CERCAM: variants seen among roughly 807,000 people sequenced by gnomAD.
CERCAM encodes the protein inactive glycosyltransferase 25 family member 3.
CERCAM carries 59 observed loss-of-function variants against 66.0 expected under a neutral mutation model. That is an observed-to-expected ratio of 0.89 (90% CI 0.73 to 1.11). CERCAM has a LOEUF of 1.11. CERCAM is among the 50% of genes most tolerant of loss of function. The pLI, the probability that CERCAM is intolerant of heterozygous loss-of-function variation, is 0.00. For missense variants in CERCAM, 840 were observed against 828.3 expected, an observed-to-expected ratio of 1.01 and a Z score of -0.17; for synonymous variants, 318 against 343.6, an observed-to-expected ratio of 0.93 and a Z score of 0.83.
At chr9:128,433,117 A>G (rs762098478) in intron 9 of CERCAM, among the ~76,000 whole-genome samples, 16 of 151,972 alleles carry the variant, frequency 1.1e-4, no homozygotes, top group Non-Finnish European at 2.4e-4. Context: ...GTCTCTACTA[A>G]AAATACAAAA....
intron 1 of CERCAM, chr9:128,422,452 C>T (rs1833731851): frequency 1.2e-5 from 2 of 170,816 alleles, no homozygotes; most frequent in Admixed American, 1.1e-4. Flanking sequence ...CCTGTAATCC[C>T]AGGTACTCAG....
chr9:128,435,056 C>T (rs1310800957), intron 11 of CERCAM, among the ~76,000 whole-genome samples: 1 of 149,924 alleles, frequency 6.7e-6, no homozygotes, highest in Non-Finnish European at 1.5e-5. Flanking sequence ...TGCAGTGGCG[C>T]AATCTTGGCT....
intron 8 of CERCAM, among the ~76,000 whole-genome samples, chr9:128,430,579 C>T (rs1833952128): frequency 6.6e-6 from 1 of 152,128 alleles, no homozygotes; most frequent in Non-Finnish European, 1.5e-5. Context: ...TTGCTTGGGC[C>T]TCTGCCCAAG....
chr9:128,428,479 G>C, intron 6 of CERCAM, 58 bp downstream of exon 6: 1 of 1,600,158 alleles, frequency 6.2e-7, no homozygotes, highest in Non-Finnish European at 8.5e-7. Flanking sequence ...CCTCCCCACG[G>C]TGCCCCTTTC....
chr9:128,435,244 G>A (rs942815681), intron 11 of CERCAM, among the ~76,000 whole-genome samples: 2 of 152,062 alleles, frequency 1.3e-5, no homozygotes, highest in Non-Finnish European at 2.9e-5. Context: ...TGATCTGCCT[G>A]CCTGGGCCTC....
chr9:128,435,970 A>T, intron 12 of CERCAM, 65 bp downstream of exon 12: 5 of 1,485,946 alleles, frequency 3.4e-6, no homozygotes, highest in Non-Finnish European at 4.5e-6. Context: ...CTTTGATGGC[A>T]TAACTGTGTC....
chr9:128,435,527 G>A (rs999866574), intron 11 of CERCAM, 126 bp from the exon 12 acceptor site: 14 of 1,000,108 alleles, frequency 1.4e-5, no homozygotes, highest in South Asian at 3.3e-5. Context: ...GCTCAGGGCC[G>A]CTGTGAGGAC....
At chr9:128,429,902 C>T (rs1009076658) in intron 8 of CERCAM, among the ~76,000 whole-genome samples, 4 of 151,950 alleles carry the variant, frequency 2.6e-5, no homozygotes, top group Admixed American at 1.3e-4. Flanking sequence ...TGATTCTCCT[C>T]CCTCACCTCC....
rs372468888 is a variant in CERCAM at position 128,425,045 on chromosome 9, G to GT, written c.766+437dup. The stretch of plus-strand genomic sequence containing the variant: ...CCAGTGGTTACTTTTAAGATGAAAG[G>GT]TTTTTTGTTGTTGTTGTTGTTGTTG... On this transcript the variant is annotated intron_variant, in intron 5 of 12. Coordinates refer to ENST00000372838, the MANE Select transcript of CERCAM (RefSeq NM_016174.5). Among the ~76,000 whole-genome samples, 1,092 of 148,176 alleles carry GT rather than the reference G, an allele frequency of 7.4e-3. 11 individuals carry two copies. Among genetic ancestry groups the GT allele is most frequent in the African/African-American group, 0.025 (995 of 39,866 alleles).
chr9:128,434,434 C>G lies in CERCAM; in HGVS notation c.1356C>G (p.Asn452Lys), dbSNP rs1402052665. Residue 452 changes from asparagine to lysine, a missense_variant, in exon 11 of 13, where the codon AAC becomes AAG. Transcript: ENST00000372838. The surrounding 1 kb of genome is among the most constrained non-coding windows in gnomAD (Gnocchi z 4.5). ...DLIYLGRKQV[N>K]PEKETAVEGL... ...GCTACCTCGGACGGAAGCAGGTGAA[C>G]CCTGAGAAGGAGACGGCCGTGGAGG... is the stretch of plus-strand genomic sequence containing the variant. 1.2e-6 allele frequency: 2 copies of G among 1,614,050 alleles called. No individual in the cohort carries two copies. The highest frequency in any genetic ancestry group is 2.2e-5 in the South Asian group (2 of 91,086).
rs755288938 is a variant in CERCAM, at chr9:128,431,289, T to G, written c.1189T>G (p.Ser397Ala). The G allele has an allele frequency of 2.5e-6, 4 of 1,613,964 alleles. No homozygotes were observed. Among genetic ancestry groups the G allele is most frequent in the Non-Finnish European group, 1.7e-6 (2 of 1,180,026 alleles). ...GEVGCFLSHY[S>A]IWEEVVARGL... Reference sequence around the variant, plus strand: ...GGTGGGCTGCTTCCTCAGCCATTACTCCATCTGGGAAGAGGTGAGGGTGCC... The same window carrying G: ...GGTGGGCTGCTTCCTCAGCCATTACGCCATCTGGGAAGAGGTGAGGGTGCC... Residue 397 changes from serine (S) to alanine (A), a missense_variant, in exon 9 of 13, where the codon TCC (serine) becomes GCC (alanine). Ser to Ala is a moderately conservative substitution (Grantham distance 99, BLOSUM62 1). Coordinates refer to ENST00000372838, the MANE Select transcript of CERCAM (RefSeq NM_016174.5).
At chr9:128,428,523 G>T in intron 6 of CERCAM, 102 bp downstream of exon 6, 1 of 1,438,910 alleles carries the variant, frequency 6.9e-7, no homozygotes, top group Non-Finnish European at 9.5e-7. Flanking sequence ...ATTGGCCTTG[G>T]GGTTCCAGCT....
At position 128,423,190 on chromosome 9, in the gene CERCAM, G is replaced by A. The variant is rs556586561; in HGVS notation, c.353G>A (p.Arg118Lys). 1.2e-4 allele frequency: 195 copies of A among 1,614,140 alleles called. No homozygotes were observed. The South Asian group carries it at 2.0e-3, about 17-fold the overall frequency. Reference sequence around the variant, plus strand: ...GGTCCCAAGCACTGGACCAAAGAAAGGCACCAGTTTCTGATGGAGCTGAAG... The same window carrying A: ...GGTCCCAAGCACTGGACCAAAGAAAAGCACCAGTTTCTGATGGAGCTGAAG... ...EEGPKHWTKE[R>K]HQFLMELKQE... Residue 118 changes from arginine to lysine, a missense_variant, in exon 3 of 13, where the codon AGG (arginine) becomes AAG (lysine). Arg to Lys is a conservative substitution (Grantham distance 26, BLOSUM62 2). Transcript: ENST00000372838.
Position 128,432,432 on chromosome 9 carries a change from G to A in CERCAM, c.1203+1129G>A, listed in dbSNP as rs1467159352. On this transcript the variant is annotated intron_variant, in intron 9 of 12. Transcript: ENST00000372838. ...CAGGGTATTGCTCTGGCACCCAGGC[G>A]GGAGTGCAGTGGCGTGATCTTGGCT... Among the ~76,000 whole-genome samples, 6 of 145,796 alleles carry A rather than the reference G, an allele frequency of 4.1e-5. No individual in the cohort carries two copies. In the East Asian group the frequency reaches 6.1e-4, roughly 15 times the overall value.
rs1834053071 is a variant in CERCAM at position 128,434,298 on chromosome 9, G to A, written c.1331+69G>A. On this transcript the variant is annotated intron_variant, in intron 10 of 12. Transcript: ENST00000372838. This position sits in a 1 kb window ranked among gnomAD's most constrained non-coding sequence, Gnocchi z 4.5. ...TCCGGAGTCTGCCTTTTCCTGCTTG[G>A]GACCCTGGCCGGCCCATCCCCTGAG... The A allele has an allele frequency of 6.2e-6, 10 of 1,605,650 alleles. No homozygotes were observed. In the South Asian group the frequency reaches 1.0e-4, roughly 16 times the overall value.
Position 128,435,716 on chromosome 9 carries a change from C to T in CERCAM, c.1599C>T (p.Leu533=). The change falls in exon 12 of 13, where the codon CTC becomes CTT. Residue 533 remains leucine, a synonymous_variant. Coordinates refer to ENST00000372838, the MANE Select transcript of CERCAM (RefSeq NM_016174.5). ...TGGCCTTCTCCGCCCAGCCCCTGCT[C>T]GCTGCCCCTACCCACTATGCCGGGG... ...DLVAFSAQPL[L]AAPTHYAGDA... 10 of 1,613,612 alleles carry T rather than the reference C, an allele frequency of 6.2e-6. No individual in the cohort carries two copies. Among genetic ancestry groups the T allele is most frequent in the East Asian group, 2.2e-5 (1 of 44,858 alleles).
At chr9:128,428,643 C>T in intron 6 of CERCAM, 114 bp from the exon 7 acceptor site, 1 of 1,251,264 alleles carries the variant, frequency 8.0e-7, no homozygotes, top group Middle Eastern at 2.3e-4. Flanking sequence ...GAGGTCCCGT[C>T]CTGTGGGGTG....
chr9:128,421,070 C>T lies in CERCAM; in HGVS notation c.193C>T (p.Leu65Phe). 7.6e-7 allele frequency: 1 copy of T among 1,314,606 alleles called. No individual in the cohort carries two copies. The highest frequency in any genetic ancestry group is 9.7e-7 in the Non-Finnish European group (1 of 1,029,500). 81.4% of individuals were successfully genotyped at this position (1,314,606 alleles called of 1,614,324 possible). ...RLDYPRARMALWCATDHNVDN... is the reference protein window; with the variant it reads ...RLDYPRARMAFWCATDHNVDN... ...GGACTACCCCCGGGCCAGGATGGCC[C>T]TCTGGTGAGAGACCCGGGCATTGGC... Residue 65 changes from leucine (L) to phenylalanine (F), a missense_variant, in exon 1 of 13, where the codon CTC becomes TTC. Physicochemically the swap from Leu to Phe is conservative, Grantham distance 22. Transcript: ENST00000372838.
At chr9:128,426,631 A>T (rs1260943301) in intron 5 of CERCAM, among the ~76,000 whole-genome samples, 1 of 151,982 alleles carries the variant, frequency 6.6e-6, no homozygotes, top group Non-Finnish European at 1.5e-5. Context: ...AAAAAAAAAA[A>T]AAATCCAGTC....
Sources: gnomAD v4.1 joint callset for allele counts (sites outside exome capture counted in the v4.1 genomes callset) on GRCh38, gnomAD v4.1.1 for gene constraint, Gnocchi (gnomAD v3.1) non-coding constraint, MANE v1.5 for transcripts, NCBI Gene and HGNC (gene_info 2026-07-23, HGNC 2026-07-21) for gene names.